PKP4: variants seen among roughly 807,000 people sequenced by gnomAD.
The protein encoded by PKP4 is plakophilin-4.
PKP4 carries 90 observed loss-of-function variants against 145.1 expected under a neutral mutation model. The ratio of observed to expected loss-of-function variants is 0.62; its 90% CI spans 0.52 to 0.74. The LOEUF is 0.74. Ranked by LOEUF, PKP4 falls within the 30% of genes least tolerant of loss-of-function variation. The pLI, the probability that PKP4 is intolerant of heterozygous loss-of-function variation, is 0.00. For synonymous variants in PKP4, 563 were observed against 577.2 expected (o/e 0.98, Z 0.35); for missense variants, 1,340 against 1,482.7 (o/e 0.90, Z 1.58).
chr2:158,471,612 C>T (rs929765668), intron 1 of PKP4, among the ~76,000 whole-genome samples: 6 of 152,238 alleles, frequency 3.9e-5, no homozygotes, highest in African/African-American at 1.4e-4. Context: ...TAAGATTCAT[C>T]TCTTCTAGTT....
chr2:158,490,401 A>T (rs1196378943), intron 1 of PKP4, among the ~76,000 whole-genome samples: 3 of 152,166 alleles, frequency 2.0e-5, no homozygotes, highest in Non-Finnish European at 4.4e-5. Context: ...CAAGAAAAAA[A>T]ATACTAGAAT....
chr2:158,677,815 C>T (rs1394063513), intron 20 of PKP4, among the ~76,000 whole-genome samples: 5 of 152,298 alleles, frequency 3.3e-5, no homozygotes, highest in Admixed American at 2.0e-4. Flanking sequence ...TGGTTGCTTC[C>T]GATTTGCAGC....
At chr2:158,580,130 G>A (rs74979561) in intron 3 of PKP4, among the ~76,000 whole-genome samples, 335 of 152,226 alleles carry the variant, frequency 2.2e-3, no homozygotes, top group Non-Finnish European at 3.5e-3. Flanking sequence ...ATATATGCAT[G>A]GCTATTAGAT....
At chr2:158,600,384 G>A (rs1003605655) in intron 3 of PKP4, among the ~76,000 whole-genome samples, 4 of 152,146 alleles carry the variant, frequency 2.6e-5, no homozygotes, top group East Asian at 3.9e-4. Context: ...AAAGGGAACC[G>A]GGATGGAGTC....
rs183632372 is a variant in PKP4 at position 158,472,332 on chromosome 2, G to A, written c.-6+15114G>A. On this transcript the variant is annotated intron_variant, in intron 1 of 21. Coordinates refer to ENST00000389759, the MANE Select transcript of PKP4 (RefSeq NM_003628.6). ...GAATTTTAAAAAGTAGAATTAGGCC[G>A]GGCGTGGTGGCTCACGCCTGTAATC... Among the ~76,000 whole-genome samples, 12 of 152,020 alleles carry A rather than the reference G, an allele frequency of 7.9e-5. No individual in the cohort carries two copies. In the East Asian group the frequency reaches 9.7e-4, roughly 12 times the overall value.
chr2:158,617,451 A>G (rs912372393), intron 4 of PKP4, among the ~76,000 whole-genome samples: 3 of 152,188 alleles, frequency 2.0e-5, no homozygotes, highest in African/African-American at 7.2e-5. Flanking sequence ...CTAAATTTTA[A>G]TATTCCAACT....
chr2:158,484,150 C>T (rs1478211902), intron 1 of PKP4, among the ~76,000 whole-genome samples: 1 of 151,892 alleles, frequency 6.6e-6, no homozygotes. Context: ...CGGGTTCACG[C>T]CATTCTCCTG....
rs933973109 is a variant in PKP4, at chr2:158,482,098, C to T, written c.-6+24880C>T. On this transcript the variant is annotated intron_variant, in intron 1 of 21. Coordinates refer to ENST00000389759, the MANE Select transcript of PKP4 (RefSeq NM_003628.6). ...TCCACTAGTCACATGTAGCTATTTA[C>T]ATTTAAATTAATTAAAATAAAGAGT... is the stretch of plus-strand genomic sequence containing the variant. Among the ~76,000 whole-genome samples, 29 of 152,342 alleles carry T rather than the reference C, an allele frequency of 1.9e-4. No individual in the cohort carries two copies. The East Asian group carries it at 3.7e-3, about 19-fold the overall frequency.
At chr2:158,609,407 C>T (rs537916391) in intron 4 of PKP4, among the ~76,000 whole-genome samples, 1 of 152,202 alleles carries the variant, frequency 6.6e-6, no homozygotes, top group Non-Finnish European at 1.5e-5. Flanking sequence ...CCTCTTTATT[C>T]GTTTTTTGGT....
At chr2:158,465,946 A>C (rs1014394377) in intron 1 of PKP4, among the ~76,000 whole-genome samples, 15 of 152,238 alleles carry the variant, frequency 9.9e-5, no homozygotes, top group African/African-American at 4.8e-5. Flanking sequence ...GTCAGTCTGA[A>C]ATCTTCGGAT....
At chr2:158,498,665 G>A (rs944938722) in intron 1 of PKP4, among the ~76,000 whole-genome samples, 16 of 152,196 alleles carry the variant, frequency 1.1e-4, no homozygotes, top group African/African-American at 3.9e-4. Flanking sequence ...GGATGCTGCA[G>A]TGTTAAACAG....
chr2:158,622,740 A>G (rs2052374344), intron 6 of PKP4, among the ~76,000 whole-genome samples: 1 of 152,214 alleles, frequency 6.6e-6, no homozygotes, highest in Non-Finnish European at 1.5e-5. Flanking sequence ...TGCATGTGGC[A>G]AGCAACTTCA....
At chr2:158,617,537 C>T (rs893190100) in intron 4 of PKP4, among the ~76,000 whole-genome samples, 2 of 152,140 alleles carry the variant, frequency 1.3e-5, no homozygotes, top group Non-Finnish European at 1.5e-5. Flanking sequence ...GTGAATTTGA[C>T]TAGTATCTTT....
chr2:158,676,950 T>C, intron 20 of PKP4, 83 bp downstream of exon 20: 1 of 1,520,304 alleles, frequency 6.6e-7, no homozygotes, highest in South Asian at 1.1e-5. Context: ...GGAAGTAGCC[T>C]GTGCTTGTAT....
At chr2:158,518,223 G>C (rs184977723) in intron 1 of PKP4, among the ~76,000 whole-genome samples, 31 of 152,322 alleles carry the variant, frequency 2.0e-4, no homozygotes, top group African/African-American at 7.5e-4. Context: ...GGCTCGAATG[G>C]CTGTGATTGC....
chr2:158,566,345 C>A lies in PKP4; in HGVS notation c.133-10926C>A, dbSNP rs563770722. Among the ~76,000 whole-genome samples, 31 of 152,052 alleles carry A rather than the reference C, an allele frequency of 2.0e-4. No homozygotes were observed. The South Asian group carries it at 6.5e-3, about 32-fold the overall frequency. ...TACGTAGAGGAAGGAGAAAATTGGT[C>A]ATTTATTCTTTTAGTTTTCCATTTC... On this transcript the variant is annotated intron_variant, in intron 2 of 21. Transcript: ENST00000389759.
At position 158,680,607 on chromosome 2, in the gene PKP4, A is replaced by C. The variant is rs1298185601; in HGVS notation, c.3509A>C (p.Asp1170Ala). The change falls in exon 22 of 22, where the codon GAC becomes GCC. Residue 1170 changes from aspartate to alanine, a missense_variant. Transcript: ENST00000389759. ...YGLKSTTNYV[D>A]FYSTKRPSYR... ...CTGAAATCGACCACAAATTATGTAG[A>C]CTTTTATTCCACTAAACGACCTTCT... 1.2e-6 allele frequency: 2 copies of C among 1,613,750 alleles called. No homozygotes were observed.
intron 3 of PKP4, among the ~76,000 whole-genome samples, chr2:158,579,280 A>G (rs2048124555): frequency 6.6e-6 from 1 of 152,154 alleles, no homozygotes; most frequent in African/African-American, 2.4e-5. Context: ...TTGAACAACC[A>G]TTCACACACA....
intron 1 of PKP4, among the ~76,000 whole-genome samples, chr2:158,516,817 A>G (rs1336311052): frequency 6.6e-6 from 1 of 151,822 alleles, no homozygotes; most frequent in Non-Finnish European, 1.5e-5. Flanking sequence ...ACTTGCCACC[A>G]TGCCTGGCTA....
Sources: allele counts gnomAD v4.1 joint callset (sites outside exome capture counted in the v4.1 genomes callset), GRCh38; gene constraint gnomAD v4.1.1; transcripts MANE v1.5; gene names NCBI Gene and HGNC (gene_info 2026-07-23, HGNC 2026-07-21).